SLC30A2: variants seen among roughly 807,000 people sequenced by gnomAD.
The protein encoded by SLC30A2 is solute carrier family 30 member 2.
Under a neutral mutation model 39.6 loss-of-function variants are expected in SLC30A2, and 19 were observed. That is an observed-to-expected ratio of 0.48 (90% confidence interval 0.34 to 0.70). The LOEUF is 0.70. Ranked by LOEUF, SLC30A2 falls within the 30% of genes least tolerant of loss-of-function variation. The probability of loss-of-function intolerance (pLI) is 0.01; values close to 1 mark genes in which losing one functional copy is unlikely to be tolerated. For synonymous variants in SLC30A2, 195 were observed against 194.8 expected, an observed-to-expected ratio of 1.00 and a Z score of -0.01; for missense variants, 387 against 479.4, an observed-to-expected ratio of 0.81 and a Z score of 1.80.
intron 6 of SLC30A2, among the ~76,000 whole-genome samples, chr1:26,040,813 C>A (rs1326824910): frequency 6.6e-6 from 1 of 151,940 alleles, no homozygotes; most frequent in Non-Finnish European, 1.5e-5. Flanking sequence ...GGTGCAGGGC[C>A]AGGTGTGGTG....
At chr1:26,041,903 T>C in intron 5 of SLC30A2, 98 bp from the exon 6 acceptor site, 1 of 736,486 alleles carries the variant, frequency 1.4e-6, no homozygotes, top group Non-Finnish European at 2.4e-6. Context: ...AGGTGCTCTC[T>C]CTGCTGGGTG....
At chr1:26,040,347 C>G (rs917229124) in intron 6 of SLC30A2, among the ~76,000 whole-genome samples, 1 of 152,060 alleles carries the variant, frequency 6.6e-6, no homozygotes, top group South Asian at 2.1e-4. Context: ...CTCCCTGGTT[C>G]AAGCAATTAT....
In SLC30A2 at chr1:26,037,916, C is replaced by T. The variant is rs896144505; in HGVS notation, c.*1244G>A. ...AGTCAAGACAAACTCAGCACTGCCC[C>T]TGGGGAGGCTGGGAAGCCCACCTGA... On this transcript the variant is annotated 3_prime_UTR_variant, in exon 8 of 8. Coordinates refer to ENST00000374276, the MANE Select transcript of SLC30A2 (RefSeq NM_001004434.3). 1.3e-5 allele frequency: 2 copies of T among 152,228 alleles called. No homozygotes were observed. The highest frequency in any genetic ancestry group is 2.9e-5 in the Non-Finnish European group (2 of 68,034). The allele number at this position is 152,228 out of a possible 1,614,324, so 9.4% of individuals were successfully genotyped here. A position where few individuals can be genotyped will look rare whatever the true frequency, so the allele number is the denominator to read the frequency against.
Position 26,039,394 on chromosome 1 carries a change from C to A in SLC30A2, c.974-89G>T. 2 of 996,126 alleles carry A rather than the reference C, an allele frequency of 2.0e-6. No individual in the cohort carries two copies. Among genetic ancestry groups the A allele is most frequent in the Non-Finnish European group, 3.0e-6 (2 of 656,206 alleles). The allele number at this position is 996,126 out of a possible 1,614,324, so 61.7% of individuals were successfully genotyped here. A position where few individuals can be genotyped will look rare whatever the true frequency, so the allele number is the denominator to read the frequency against. On this transcript the variant is annotated intron_variant, in intron 7 of 7. Coordinates refer to ENST00000374276, the MANE Select transcript of SLC30A2 (RefSeq NM_001004434.3). This position sits in a 1 kb window ranked among gnomAD's most constrained non-coding sequence, Gnocchi z 4.3. ...CCCAAATCTCATACCCCATCCCCAG[C>A]AGAACAGGATGGGGGACCATGAACA...
chr1:26,042,812 T>C, intron 4 of SLC30A2, 104 bp from the exon 5 acceptor site: 1 of 1,016,672 alleles, frequency 9.8e-7, no homozygotes, highest in South Asian at 1.5e-5. Flanking sequence ...CCCCTAAACC[T>C]TGTGATCTCT....
In SLC30A2 at chr1:26,037,878, C is replaced by T. The variant is rs946366441; in HGVS notation, c.*1282G>A. The stretch of plus-strand genomic sequence containing the variant: ...AGTGACCAAACCCACCTCCTCCCAC[C>T]TTGGGCCAGAACAGTCAAGACAAAC... On this transcript the variant is annotated 3_prime_UTR_variant, in exon 8 of 8. Coordinates refer to ENST00000374276, the MANE Select transcript of SLC30A2 (RefSeq NM_001004434.3). 7 of 152,248 alleles carry T rather than the reference C, an allele frequency of 4.6e-5. No individual in the cohort carries two copies. Among genetic ancestry groups the T allele is most frequent in the African/African-American group, 1.7e-4 (7 of 41,456 alleles). 9.4% of individuals were successfully genotyped at this position (152,248 alleles called of 1,614,324 possible). A position where few individuals can be genotyped will look rare whatever the true frequency, so the allele number is the denominator to read the frequency against.
In SLC30A2 at chr1:26,039,807, G is replaced by A. The variant is rs1246168560; in HGVS notation, c.943C>T (p.Gln315Ter). 3 of 1,613,948 alleles carry A rather than the reference G, an allele frequency of 1.9e-6. No individual in the cohort carries two copies. The highest frequency in any genetic ancestry group is 1.3e-5 in the African/African-American group (1 of 75,046). Reference sequence around the variant, plus strand: ...GCGATGTGGACAGACAGAACAGGCTGGGCCACCGTCAGTGCCCAGATATGC... The same window carrying A: ...GCGATGTGGACAGACAGAACAGGCTAGGCCACCGTCAGTGCCCAGATATGC... ...SLHIWALTVA[Q>*]PVLSVHIAIA... The change falls in exon 7 of 8, where the codon CAG becomes TAG. Residue 315 changes from glutamine (Q) to a stop codon, truncating the protein, a stop_gained. Transcript: ENST00000374276. LOFTEE classifies it high-confidence loss of function. The surrounding 1 kb of genome is among the most constrained non-coding windows in gnomAD (Gnocchi z 4.3).
rs376174975 is a variant in SLC30A2, at chr1:26,044,985, A to C, written c.271+12T>G. On this transcript the variant is annotated intron_variant, in intron 2 of 7. Transcript: ENST00000374276. ...TGCACCAACTTCATTTAATTAGCCC[A>C]AAAGTGCTTACCAACGACTTCTCCG... 3 of 1,612,826 alleles carry C rather than the reference A, an allele frequency of 1.9e-6. No individual in the cohort carries two copies. The highest frequency in any genetic ancestry group is 2.5e-6 in the Non-Finnish European group (3 of 1,178,896).
intron 6 of SLC30A2, 105 bp from the exon 7 acceptor site, chr1:26,040,016 A>G: frequency 2.3e-6 from 3 of 1,310,216 alleles, no homozygotes; most frequent in Non-Finnish European, 3.2e-6. Context: ...CCCTCAAAGA[A>G]GACCTCTTTG....
In SLC30A2 at chr1:26,038,927, C is replaced by A; in HGVS notation, c.*233G>T. ...AAATACAGCCCTTCCAGAGCTGGCC[C>A]AGGAGCTGGAAGAGCAGGGTCACAC... On this transcript the variant is annotated 3_prime_UTR_variant, in exon 8 of 8. Coordinates refer to ENST00000374276, the MANE Select transcript of SLC30A2 (RefSeq NM_001004434.3). The A allele has an allele frequency of 8.4e-7, 1 of 1,192,828 alleles. No homozygotes were observed. Among genetic ancestry groups the A allele is most frequent in the South Asian group, 2.4e-5 (1 of 40,858 alleles). The allele number at this position is 1,192,828 out of a possible 1,614,324, so 73.9% of individuals were successfully genotyped here. A position where few individuals can be genotyped will look rare whatever the true frequency, so the allele number is the denominator to read the frequency against.
At chr1:26,045,688 G>A (rs978081350) in intron 1 of SLC30A2, among the ~76,000 whole-genome samples, 159 bp downstream of exon 1, 21 of 152,156 alleles carry the variant, frequency 1.4e-4, no homozygotes, top group Admixed American at 1.4e-3. Context: ...GACGGTCCTT[G>A]GGCCACAGCC....
At chr1:26,042,919 A>G (rs938539141) in intron 4 of SLC30A2, among the ~76,000 whole-genome samples, 3 of 152,200 alleles carry the variant, frequency 2.0e-5, no homozygotes, top group African/African-American at 7.2e-5. Context: ...GGGCACAACA[A>G]TGCCACAGTG....
At position 26,039,144 on chromosome 1, in the gene SLC30A2, G is replaced by C. The variant is rs2050370973; in HGVS notation, c.*16C>G. On this transcript the variant is annotated 3_prime_UTR_variant, in exon 8 of 8. Coordinates refer to ENST00000374276, the MANE Select transcript of SLC30A2 (RefSeq NM_001004434.3). This position sits in a 1 kb window ranked among gnomAD's most constrained non-coding sequence, Gnocchi z 4.3. ...GCAGGTCCTGTTCATGCCCCAGTTG[G>C]TGCCTGGCTGAGCAGTCAGTCTGAG... 6.2e-7 allele frequency: 1 copy of C among 1,611,804 alleles called. No homozygotes were observed. Among genetic ancestry groups the C allele is most frequent in the African/African-American group, 1.3e-5 (1 of 74,886 alleles).
At chr1:26,041,877 C>T in intron 5 of SLC30A2, 72 bp from the exon 6 acceptor site, 1 of 924,304 alleles carries the variant, frequency 1.1e-6, no homozygotes, top group South Asian at 1.4e-5. Context: ...CCCTCCCACC[C>T]AGCACTGCTG....
At chr1:26,043,679 T>A in intron 3 of SLC30A2, 128 bp from the exon 4 acceptor site, 1 of 883,102 alleles carries the variant, frequency 1.1e-6, no homozygotes, top group Non-Finnish European at 1.7e-6. Flanking sequence ...CACTGGGCTC[T>A]GCTGAAGGTA....
Position 26,042,638 on chromosome 1 carries a change from G to T in SLC30A2, c.643C>A (p.Pro215Thr), listed in dbSNP as rs551241711. 373 of 1,614,158 alleles carry T rather than the reference G, an allele frequency of 2.3e-4. 5 individuals are homozygous for T. The South Asian group carries it at 3.8e-3, about 17-fold the overall frequency. The change falls in exon 5 of 8, where the codon CCC becomes ACC. Residue 215 changes from proline to threonine, a missense_variant. By Grantham distance (38) the Pro-to-Thr change is conservative. Transcript: ENST00000374276. ...TGGATGAAGGCAGCTCGGACGCTGG[G>T]GTTCTCCTCCTGCTGGTTGGTGGTG... is the stretch of plus-strand genomic sequence containing the variant. ...HGTTNQQEEN[P>T]SVRAAFIHVI...
intron 3 of SLC30A2, 47 bp downstream of exon 3, chr1:26,044,227 GCCACCTAAGAACCCCTGTTCTAAC>G: frequency 6.6e-7 from 1 of 1,524,220 alleles, no homozygotes; most frequent in Non-Finnish European, 9.0e-7. Context: ...ACCCATTACA[GCCACCTAAGAACCCCTGTTCTAAC>G]CCACCCTCTC....
At chr1:26,041,577 C>T (rs1452370504) in intron 6 of SLC30A2, 123 bp downstream of exon 6, 14 of 646,844 alleles carry the variant, frequency 2.2e-5, no homozygotes, top group East Asian at 1.2e-4. Flanking sequence ...CAGCCTATGC[C>T]GGGGCTCCGG....
chr1:26,042,463 A>T, intron 5 of SLC30A2, 86 bp downstream of exon 5: 1 of 1,243,198 alleles, frequency 8.0e-7, no homozygotes, highest in Non-Finnish European at 1.1e-6. Context: ...AGGGAGCTAG[A>T]ATCTGAAAAG....
Sources: gnomAD v4.1 joint callset for allele counts (sites outside exome capture counted in the v4.1 genomes callset) on GRCh38, gnomAD v4.1.1 for gene constraint, Gnocchi (gnomAD v3.1) non-coding constraint, MANE v1.5 for transcripts, NCBI Gene and HGNC (gene_info 2026-07-23, HGNC 2026-07-21) for gene names.